Variants in KHDRBS2 observed in about 807,000 individuals in gnomAD.
KHDRBS2 encodes the protein KH RNA binding domain containing, signal transduction associated 2.
Under a neutral mutation model 44.3 loss-of-function variants are expected in KHDRBS2, and 26 were observed. That is an observed-to-expected ratio of 0.59 (90% confidence interval 0.43 to 0.81). The LOEUF (loss-of-function observed/expected upper bound fraction) is 0.81, where lower values mean the gene tolerates loss of function less well. KHDRBS2 is among the 40% of genes least tolerant of loss of function. The probability of loss-of-function intolerance (pLI) is 0.00; values close to 1 mark genes in which losing one functional copy is unlikely to be tolerated. For missense variants in KHDRBS2, 476 were observed against 433.1 expected, an observed-to-expected ratio of 1.10 and a Z score of -0.88; for synonymous variants, 194 against 151.1, an observed-to-expected ratio of 1.28 and a Z score of -2.08.
the KHDRBS2 span, among the ~76,000 whole-genome samples, chr6:61,560,517 TCTGA>T: frequency 0.21 from 32,036 of 151,944 alleles, 3,616 homozygotes; most frequent in East Asian, 0.28. Flanking sequence ...TTTCATTTCC[TCTGA>T]CTGTGTTATT....
intron 2 of KHDRBS2, among the ~76,000 whole-genome samples, chr6:62,168,017 C>A (rs1449838233): frequency 1.3e-5 from 2 of 152,116 alleles, no homozygotes; most frequent in South Asian, 4.1e-4. Flanking sequence ...AAGTTGCAAC[C>A]GAGGATGAGA....
At chr6:61,873,123 A>C (rs769457241) in intron 6 of KHDRBS2, among the ~76,000 whole-genome samples, 1 of 152,224 alleles carries the variant, frequency 6.6e-6, no homozygotes, top group African/African-American at 2.4e-5. Context: ...AATTTCTTAC[A>C]TAAGACATAA....
intron 1 of KHDRBS2, among the ~76,000 whole-genome samples, chr6:62,259,327 A>G (rs1837951178): frequency 6.6e-6 from 1 of 152,006 alleles, no homozygotes; most frequent in African/African-American, 2.4e-5. Flanking sequence ...CTTATCATTT[A>G]GTCCTTAAAT....
chr6:62,073,503 T>C (rs1053839889), intron 2 of KHDRBS2, among the ~76,000 whole-genome samples: 1 of 150,716 alleles, frequency 6.6e-6, no homozygotes, highest in Non-Finnish European at 1.5e-5. Context: ...AGAGCCAGAT[T>C]ATGGTTTGGT....
chr6:61,663,072 A>C, the KHDRBS2 span, among the ~76,000 whole-genome samples: 4 of 152,100 alleles, frequency 2.6e-5, no homozygotes, highest in African/African-American at 9.6e-5. Context: ...ATGCAGCCAT[A>C]AAAAATGATG....
intron 7 of KHDRBS2, among the ~76,000 whole-genome samples, chr6:61,713,094 G>A (rs1197034685): frequency 1.3e-5 from 2 of 151,528 alleles, no homozygotes; most frequent in Non-Finnish European, 1.5e-5. Context: ...TGGCCCAGAT[G>A]TCACAAGTAG....
At chr6:61,683,085 A>T (rs1226465491) in intron 8 of KHDRBS2, among the ~76,000 whole-genome samples, 1 of 151,828 alleles carries the variant, frequency 6.6e-6, no homozygotes, top group Non-Finnish European at 1.5e-5. Flanking sequence ...ACTCTACAGG[A>T]TTTAAGAGCT....
At chr6:61,764,938 A>T (rs898259403) in intron 6 of KHDRBS2, among the ~76,000 whole-genome samples, 28 of 128,798 alleles carry the variant, frequency 2.2e-4, no homozygotes, top group East Asian at 7.6e-4. Context: ...TGTACTTTTT[A>T]AAAAAAATCA....
At chr6:61,694,681 T>C (rs1409701184) in intron 8 of KHDRBS2, among the ~76,000 whole-genome samples, 1 of 152,204 alleles carries the variant, frequency 6.6e-6, no homozygotes, top group Non-Finnish European at 1.5e-5. Flanking sequence ...GCCCCTGGTG[T>C]GGCTTTGGAG....
chr6:61,953,460 T>TGAAAAC (rs2127384951), intron 4 of KHDRBS2, among the ~76,000 whole-genome samples: 3 of 152,092 alleles, frequency 2.0e-5, no homozygotes, highest in African/African-American at 7.2e-5. Flanking sequence ...CAGAACCATC[T>TGAAAAC]AAACTGAAAA....
intron 1 of KHDRBS2, among the ~76,000 whole-genome samples, chr6:62,244,301 C>A (rs1835190128): frequency 6.6e-6 from 1 of 151,898 alleles, no homozygotes; most frequent in Non-Finnish European, 1.5e-5. Context: ...ATCATAAGTT[C>A]CATGAAAATT....
At chr6:62,257,581 T>C (rs1166220340) in intron 1 of KHDRBS2, among the ~76,000 whole-genome samples, 2 of 152,038 alleles carry the variant, frequency 1.3e-5, no homozygotes, top group Non-Finnish European at 2.9e-5. Flanking sequence ...TGCCTGAAAG[T>C]CTTCAAGCAG....
intron 3 of KHDRBS2, among the ~76,000 whole-genome samples, chr6:62,029,006 G>A (rs1381732166): frequency 2.0e-5 from 3 of 151,898 alleles, no homozygotes; most frequent in African/African-American, 4.8e-5. Context: ...AATAACAATA[G>A]TAATATGTTT....
the KHDRBS2 span, among the ~76,000 whole-genome samples, chr6:61,645,466 A>C: frequency 4.6e-5 from 7 of 151,890 alleles, no homozygotes; most frequent in Admixed American, 3.9e-4. Context: ...TTGAACCTAA[A>C]AAAAAAAATT....
At chr6:61,956,434 G>A (rs1767335848) in intron 4 of KHDRBS2, among the ~76,000 whole-genome samples, 1 of 152,098 alleles carries the variant, frequency 6.6e-6, no homozygotes, top group South Asian at 2.1e-4. Flanking sequence ...GATTTCATGA[G>A]ACACAGTTGT....
chr6:61,674,523 A>C, the KHDRBS2 span, among the ~76,000 whole-genome samples: 2 of 151,762 alleles, frequency 1.3e-5, no homozygotes, highest in Admixed American at 6.6e-5. Context: ...AGATGCTTCA[A>C]GTAAGTTTTT....
chr6:61,795,821 A>G (rs988152607), intron 6 of KHDRBS2, among the ~76,000 whole-genome samples: 1 of 152,182 alleles, frequency 6.6e-6, no homozygotes, highest in Non-Finnish European at 1.5e-5. Context: ...CAGTTCAATA[A>G]TCTTAATTTT....
intron 6 of KHDRBS2, among the ~76,000 whole-genome samples, chr6:61,766,488 A>G (rs1351092266): frequency 1.3e-5 from 2 of 151,038 alleles, no homozygotes; most frequent in African/African-American, 4.9e-5. Context: ...GATCTTTATT[A>G]TTTCTTCTAC....
chr6:62,104,929 C>A (rs1802801156), intron 2 of KHDRBS2, among the ~76,000 whole-genome samples: 1 of 151,978 alleles, frequency 6.6e-6, no homozygotes, highest in Non-Finnish European at 1.5e-5. Flanking sequence ...AAGATAAAAA[C>A]TACCAGTAAC....
Sources: allele counts gnomAD v4.1 joint callset (sites outside exome capture counted in the v4.1 genomes callset), GRCh38; gene constraint gnomAD v4.1.1; transcripts MANE v1.5; gene names NCBI Gene and HGNC (gene_info 2026-07-23, HGNC 2026-07-21).